Variants in PNPLA7 observed in about 807,000 individuals in gnomAD.
The protein encoded by PNPLA7 is patatin like domain 7, lysophospholipase, also known as patatin-like phospholipase domain-containing protein 7.
PNPLA7 carries 153 observed loss-of-function variants against 161.7 expected under a neutral mutation model. The observed-to-expected ratio is 0.95, with a 90% CI of 0.83 to 1.08. The LOEUF (loss-of-function observed/expected upper bound fraction) is 1.08, where lower values mean the gene tolerates loss of function less well. PNPLA7 is among the 50% of genes least tolerant of loss of function. The probability of loss-of-function intolerance (pLI) is 0.00; values close to 1 mark genes in which losing one functional copy is unlikely to be tolerated. For missense variants in PNPLA7, 1,739 were observed against 1,856.6 expected (o/e 0.94, Z 1.16); for synonymous variants, 809 against 782.1 (o/e 1.03, Z -0.57).
At chr9:137,498,009 A>AGTAACTTCCGTGTGTGGTTTCCACG in intron 17 of PNPLA7, 105 bp downstream of exon 17, 1 of 1,513,060 alleles carries the variant, frequency 6.6e-7, no homozygotes, top group Non-Finnish European at 8.9e-7. Flanking sequence ...TGGTTTCCAC[A>AGTAACTTCCGTGTGTGGTTTCCACG]GTAACTTCCG....
At chr9:137,502,312 C>A (rs1162895130) in intron 14 of PNPLA7, among the ~76,000 whole-genome samples, 1 of 152,086 alleles carries the variant, frequency 6.6e-6, no homozygotes, top group Non-Finnish European at 1.5e-5. Flanking sequence ...AACCCCCAGT[C>A]CACAGTGATG....
chr9:137,479,815 GAC>G, intron 23 of PNPLA7: 1 of 985,480 alleles, frequency 1.0e-6, no homozygotes, highest in Non-Finnish European at 1.2e-6. Context: ...GGAACCTGCA[GAC>G]ACAGCCTGGG....
In PNPLA7 at chr9:137,522,815, T is replaced by TGGCCGCGCGGACGGAGAC. The variant is rs753910217; in HGVS notation, c.772_789dup (p.Val258_Ala263dup). ...GGAAGCCGGAGGATGGTGGACGGGATGGCCGCGCGGACGGAGACCGTTTTG... is the reference window on the plus strand; with the variant it reads ...GGAAGCCGGAGGATGGTGGACGGGATGGCCGCGCGGACGGAGACGGCCGCGCGGACGGAGACCGTTTTG... On this transcript the variant is annotated inframe_insertion, in exon 9 of 35. Transcript: ENST00000406427. 1.2e-6 allele frequency: 2 copies of TGGCCGCGCGGACGGAGAC among 1,613,636 alleles called. No homozygotes were observed. The highest frequency in any genetic ancestry group is 2.7e-5 in the African/African-American group (2 of 74,934).
intron 20 of PNPLA7, among the ~76,000 whole-genome samples, chr9:137,485,714 C>A (rs534214811): frequency 6.6e-6 from 1 of 152,228 alleles, no homozygotes; most frequent in Non-Finnish European, 1.5e-5. Flanking sequence ...CCCGGAGACG[C>A]GAGTGAGGGT....
At chr9:137,466,168 T>G (rs552738436) in intron 26 of PNPLA7, among the ~76,000 whole-genome samples, 3 of 152,198 alleles carry the variant, frequency 2.0e-5, no homozygotes, top group Non-Finnish European at 4.4e-5. Context: ...CATCCTCAGC[T>G]GCTCACGCTG....
chr9:137,462,408 G>A (rs1187148073), intron 30 of PNPLA7, 77 bp from the exon 31 acceptor site: 5 of 1,519,898 alleles, frequency 3.3e-6, no homozygotes, highest in Non-Finnish European at 4.4e-6. Context: ...CGCAGGACAG[G>A]TTCTGGGGAC....
intron 9 of PNPLA7, 104 bp downstream of exon 9, chr9:137,522,625 A>G (rs1235149427): frequency 1.6e-6 from 2 of 1,290,308 alleles, no homozygotes; most frequent in East Asian, 4.7e-5. Flanking sequence ...CTCAGAACTG[A>G]GAAAGTAAGT....
chr9:137,463,647 C>T (rs944808907), intron 28 of PNPLA7, 116 bp from the exon 29 acceptor site: 7 of 723,102 alleles, frequency 9.7e-6, no homozygotes, highest in Admixed American at 2.6e-5. Flanking sequence ...CTGAGGCCGC[C>T]TCCACAGAGG....
intron 8 of PNPLA7, among the ~76,000 whole-genome samples, chr9:137,526,629 A>AG (rs1245808780): frequency 1.3e-5 from 2 of 152,148 alleles, no homozygotes; most frequent in African/African-American, 2.4e-5. Context: ...ATTGAATCTG[A>AG]GGGGGTCACA....
intron 14 of PNPLA7, among the ~76,000 whole-genome samples, chr9:137,504,601 C>A (rs1833811869): frequency 6.6e-6 from 1 of 152,228 alleles, no homozygotes; most frequent in South Asian, 2.1e-4. Flanking sequence ...CCACTGAGAA[C>A]CACTCATGAC....
intron 12 of PNPLA7, 110 bp from the exon 13 acceptor site, chr9:137,506,193 C>T: frequency 3.6e-6 from 3 of 841,468 alleles, no homozygotes; most frequent in Non-Finnish European, 5.7e-6. Flanking sequence ...CCCGGCAGCT[C>T]CCTCGAGGGA....
At chr9:137,484,759 C>T (rs1156824045) in intron 20 of PNPLA7, 23 bp from the exon 21 acceptor site, 1 of 1,582,500 alleles carries the variant, frequency 6.3e-7, no homozygotes, top group Non-Finnish European at 8.6e-7. Flanking sequence ...GGACCCACGT[C>T]AGCTGGGACA....
At chr9:137,516,429 T>G (rs2480105) in intron 11 of PNPLA7, 2 of 984,796 alleles carry the variant, frequency 2.0e-6, no homozygotes, top group Non-Finnish European at 2.4e-6. Context: ...TGCCAAGACC[T>G]CATCCAGGAC....
intron 11 of PNPLA7, among the ~76,000 whole-genome samples, chr9:137,518,046 C>A (rs1834720972): frequency 8.2e-6 from 1 of 122,538 alleles, no homozygotes. Flanking sequence ...CCACTCCATC[C>A]CCCACTCACT....
intron 25 of PNPLA7, among the ~76,000 whole-genome samples, chr9:137,473,309 C>G: frequency 1.3e-5 from 2 of 152,262 alleles, no homozygotes; most frequent in African/African-American, 4.8e-5. Context: ...CCACCTCACA[C>G]CAGTCATGAA....
chr9:137,506,020 T>G lies in PNPLA7; in HGVS notation c.1289A>C (p.His430Pro), dbSNP rs1588632464. Residue 430 changes from histidine (H) to proline (P), a missense_variant, in exon 13 of 35, where the codon CAC becomes CCC. Coordinates refer to ENST00000406427, the MANE Select transcript of PNPLA7 (RefSeq NM_001098537.3). ...GGAGCTCCCGGGGTGCTCGTCCGAG[T>G]GCAGGAAGACCCTGGCACGGTCACA... The part of the protein sequence containing the change: ...MACDRARVFL[H>P]SDEHPGSSVA... 1.9e-6 allele frequency: 3 copies of G among 1,612,852 alleles called. No homozygotes were observed. Among genetic ancestry groups the G allele is most frequent in the Non-Finnish European group, 2.5e-6 (3 of 1,179,772 alleles).
intron 7 of PNPLA7, 122 bp downstream of exon 7, chr9:137,542,520 C>A: frequency 8.6e-7 from 1 of 1,162,176 alleles, no homozygotes; most frequent in South Asian, 1.8e-5. Flanking sequence ...AGTTTTCCCC[C>A]AAAGAAATTA....
In PNPLA7 at chr9:137,467,114, C is replaced by T. The variant is rs549647814; in HGVS notation, c.3039+203G>A. Among the ~76,000 whole-genome samples the T allele has an allele frequency of 1.4e-4, 22 of 152,286 alleles. No individual in the cohort carries two copies. The highest frequency in any genetic ancestry group is 2.1e-4 in the Non-Finnish European group (14 of 68,020). On this transcript the variant is annotated intron_variant, in intron 26 of 34. Transcript: ENST00000406427. The surrounding 1 kb of genome is among the most constrained non-coding windows in gnomAD (Gnocchi z 5.1). ...ACTCAGACCTGGGCACAGATCAGAC[C>T]GCCTCCCACCACCAACCTGCATCTG...
chr9:137,509,188 G>A (rs1834071713), intron 12 of PNPLA7: 1 of 154,352 alleles, frequency 6.5e-6, no homozygotes, highest in African/African-American at 2.4e-5. Flanking sequence ...TGGCATGAGT[G>A]AGTTTAACTG....
Sources: allele counts gnomAD v4.1 joint callset (sites outside exome capture counted in the v4.1 genomes callset), GRCh38; gene constraint gnomAD v4.1.1; non-coding constraint Gnocchi (gnomAD v3.1); transcripts MANE v1.5; gene names NCBI Gene and HGNC (gene_info 2026-07-23, HGNC 2026-07-21).